IKZF3: variants seen among roughly 807,000 people sequenced by gnomAD.
IKZF3 encodes the protein zinc finger protein Aiolos.
Under a neutral mutation model 49.0 loss-of-function variants are expected in IKZF3, and 10 were observed. The observed-to-expected ratio is 0.20, with a 90% CI of 0.13 to 0.35. The LOEUF is 0.35. Among genes scored for constraint, IKZF3 ranks in the 10% least tolerant of loss-of-function variants. IKZF3 has a pLI of 1.00. For synonymous variants in IKZF3, 209 were observed against 228.2 expected (o/e 0.92, Z 0.76); for missense variants, 498 against 664.8 (o/e 0.75, Z 2.76).
intron 5 of IKZF3, 67 bp downstream of exon 5, chr17:39,791,349 C>G: frequency 1.3e-6 from 2 of 1,534,334 alleles, no homozygotes; most frequent in Non-Finnish European, 1.8e-6. Flanking sequence ...TTAACTCTTT[C>G]TAGTTTCCAC....
At chr17:39,791,916 G>C (rs1357594365) in intron 4 of IKZF3, among the ~76,000 whole-genome samples, 1 of 141,928 alleles carries the variant, frequency 7.0e-6, no homozygotes, top group Non-Finnish European at 1.5e-5. Context: ...TTTTAGACAG[G>C]GTCTTCTTGC....
intron 3 of IKZF3, among the ~76,000 whole-genome samples, chr17:39,827,874 T>C (rs997178988): frequency 3.9e-5 from 6 of 152,226 alleles, no homozygotes; most frequent in East Asian, 1.9e-4. Context: ...GGTTGGTTTA[T>C]GCATTTGCAC....
At chr17:39,783,145 G>T (rs72832928) in intron 6 of IKZF3, among the ~76,000 whole-genome samples, 2,435 of 152,306 alleles carry the variant, frequency 0.016, 30 homozygotes, top group Non-Finnish European at 0.027. Flanking sequence ...ATTGCTTCCT[G>T]TCTCTTCTAT....
intron 6 of IKZF3, among the ~76,000 whole-genome samples, chr17:39,780,076 C>T (rs1019532611): frequency 6.6e-6 from 1 of 151,932 alleles, no homozygotes; most frequent in Non-Finnish European, 1.5e-5. Flanking sequence ...TGTTGGCATG[C>T]GCCTGTAGTC....
At chr17:39,813,101 CAAAA>C (rs1044955018) in intron 3 of IKZF3, among the ~76,000 whole-genome samples, 10 of 71,276 alleles carry the variant, frequency 1.4e-4, no homozygotes, top group South Asian at 5.1e-4. Flanking sequence ...GACTCCATCT[CAAAA>C]AATAAATAAA....
At chr17:39,788,563 C>T (rs568670678) in intron 5 of IKZF3, among the ~76,000 whole-genome samples, 189 bp from the exon 6 acceptor site, 2 of 152,270 alleles carry the variant, frequency 1.3e-5, no homozygotes, top group South Asian at 2.1e-4. Context: ...TTAATTATTA[C>T]GTCAGAGTAT....
chr17:39,805,793 C>A (rs1482216606), intron 3 of IKZF3, among the ~76,000 whole-genome samples: 3 of 152,170 alleles, frequency 2.0e-5, no homozygotes, highest in Non-Finnish European at 4.4e-5. Context: ...AAAGATGCAT[C>A]CTAGCTCTAC....
At chr17:39,842,522 A>G (rs1288925856) in intron 1 of IKZF3, among the ~76,000 whole-genome samples, 1 of 152,212 alleles carries the variant, frequency 6.6e-6, no homozygotes, top group South Asian at 2.1e-4. Context: ...TCTTAAAAGT[A>G]TAGAGCAGTC....
At position 39,853,266 on chromosome 17, in the gene IKZF3, G is replaced by A. The variant is rs77461803; in HGVS notation, c.7+10854C>T. Among the ~76,000 whole-genome samples the A allele has an allele frequency of 7.6e-3, 1,149 of 152,064 alleles. 37 individuals are homozygous for A. Among genetic ancestry groups the A allele is most frequent in the East Asian group, 0.057 (296 of 5,176 alleles). On this transcript the variant is annotated intron_variant, in intron 1 of 7. Transcript: ENST00000346872. Reference sequence around the variant, plus strand: ...TATTTTGCATATGTGACACAAAAAAGGTATTCAATAAATAGTTTTAGAACG... The same window carrying A: ...TATTTTGCATATGTGACACAAAAAAAGTATTCAATAAATAGTTTTAGAACG...
chr17:39,765,654 C>G lies in IKZF3; in HGVS notation c.*136G>C. 1 of 613,690 alleles carries G rather than the reference C, an allele frequency of 1.6e-6. No homozygotes were observed. Among genetic ancestry groups the G allele is most frequent in the Non-Finnish European group, 2.8e-6 (1 of 356,068 alleles). The allele number at this position is 613,690 out of a possible 1,614,324, so 38.0% of individuals were successfully genotyped here. On this transcript the variant is annotated 3_prime_UTR_variant, in exon 8 of 8. Coordinates refer to ENST00000346872, the MANE Select transcript of IKZF3 (RefSeq NM_012481.5). ...AAGGAAGACAGTGTTTCCCTGGCTA[C>G]CCCTGTGAACACAGCTAAAAATGGT...
Position 39,765,857 on chromosome 17 carries a change from C to T in IKZF3, c.1463G>A (p.Arg488Gln), listed in dbSNP as rs762400597. The change falls in exon 8 of 8, where the codon CGA becomes CAA. Residue 488 changes from arginine to glutamine, a missense_variant. Coordinates refer to ENST00000346872, the MANE Select transcript of IKZF3 (RefSeq NM_012481.5). ...CGAGAACTCATACCGATCATGGCTTCGATATCCACACATGTTACACTCGAA... is the reference window on the plus strand; with the variant it reads ...CGAGAACTCATACCGATCATGGCTTTGATATCCACACATGTTACACTCGAA... ...DPFECNMCGY[R>Q]SHDRYEFSSH... 5 of 1,614,044 alleles carry T rather than the reference C, an allele frequency of 3.1e-6. No individual in the cohort carries two copies. In the African/African-American group the frequency reaches 4.0e-5, roughly 13 times the overall value.
At chr17:39,850,955 C>T (rs568297623) in intron 1 of IKZF3, among the ~76,000 whole-genome samples, 13 of 134,806 alleles carry the variant, frequency 9.6e-5, no homozygotes, top group Admixed American at 6.4e-4. Flanking sequence ...ATTATATACA[C>T]GTATATTATA....
At chr17:39,863,430 G>A (rs2063270301) in intron 1 of IKZF3, among the ~76,000 whole-genome samples, 1 of 152,006 alleles carries the variant, frequency 6.6e-6, no homozygotes, top group Non-Finnish European at 1.5e-5. Flanking sequence ...CCCGAGTTGA[G>A]ATGCATTTGC....
At chr17:39,836,565 T>C (rs749872032) in intron 1 of IKZF3, among the ~76,000 whole-genome samples, 18 of 152,216 alleles carry the variant, frequency 1.2e-4, no homozygotes, top group Non-Finnish European at 2.4e-4. Flanking sequence ...GTCATTCAGA[T>C]CTATGGATAT....
intron 1 of IKZF3, among the ~76,000 whole-genome samples, chr17:39,862,045 G>A (rs895540146): frequency 7.2e-5 from 11 of 152,144 alleles, no homozygotes; most frequent in Non-Finnish European, 1.5e-4. Context: ...AGATGTTATA[G>A]TACAAATAAT....
chr17:39,792,786 T>C lies in IKZF3; in HGVS notation c.311A>G (p.His104Arg), dbSNP rs762763136. ...CCTGCTACTATCGAATGAGACAACATGTCTCTCCAACTTAATGTTTTCATA... is the reference window on the plus strand; with the variant it reads ...CCTGCTACTATCGAATGAGACAACACGTCTCTCCAACTTAATGTTTTCATA... ...NEYENIKLER[H>R]VVSFDSSRPT... is the part of the protein sequence containing the mutation. The change falls in exon 4 of 8, where the codon CAT becomes CGT. Residue 104 changes from histidine (H) to arginine (R), a missense_variant. Physicochemically the swap from His to Arg is conservative, Grantham distance 29. Coordinates refer to ENST00000346872, the MANE Select transcript of IKZF3 (RefSeq NM_012481.5). 11 of 1,614,094 alleles carry C rather than the reference T, an allele frequency of 6.8e-6. No individual in the cohort carries two copies. In the African/African-American group the frequency reaches 1.3e-4, roughly 20 times the overall value.
At position 39,765,935 on chromosome 17, in the gene IKZF3, A is replaced by G; in HGVS notation, c.1385T>C (p.Leu462Pro). The G allele has an allele frequency of 6.2e-7, 1 of 1,614,246 alleles. No homozygotes were observed. The highest frequency in any genetic ancestry group is 8.5e-7 in the Non-Finnish European group (1 of 1,180,044). ...YRCDHCRVLF[L>P]DYVMFTIHMG... ...GTGAATCGTGAACATCACATAGTCC[A>G]GGAAGAGGACGCGGCAGTGGTCACA... Residue 462 changes from leucine to proline, a missense_variant, in exon 8 of 8, where the codon CTG becomes CCG. Leu to Pro is a moderately conservative substitution (Grantham distance 98). Transcript: ENST00000346872.
At chr17:39,779,368 G>A (rs576209240) in intron 6 of IKZF3, among the ~76,000 whole-genome samples, 7 of 152,244 alleles carry the variant, frequency 4.6e-5, no homozygotes, top group South Asian at 2.1e-4. Context: ...GGCTGAGGCC[G>A]GAGAATCGCT....
chr17:39,850,738 C>CTATATA (rs2062830001), intron 1 of IKZF3, among the ~76,000 whole-genome samples: 1 of 31,768 alleles, frequency 3.1e-5, no homozygotes, highest in Non-Finnish European at 6.0e-5. Context: ...ATATAATAGG[C>CTATATA]TATATAGTAT....
Sources: gnomAD v4.1 joint callset for allele counts (sites outside exome capture counted in the v4.1 genomes callset) on GRCh38, gnomAD v4.1.1 for gene constraint, MANE v1.5 for transcripts, NCBI Gene and HGNC (gene_info 2026-07-23, HGNC 2026-07-21) for gene names.